ZNF782: variants seen among roughly 807,000 people sequenced by gnomAD.
ZNF782 encodes zinc finger protein 782.
A neutral mutation model predicts 13.0 loss-of-function variants in ZNF782; 12 were observed. The observed-to-expected ratio is 0.92, with a 90% confidence interval of 0.59 to 1.50. The LOEUF is 1.50. Among genes scored for constraint, ZNF782 ranks in the 40% most tolerant of loss-of-function variants. The pLI is 0.00. For synonymous variants in ZNF782, 284 were observed against 283.0 expected (o/e 1.00, Z -0.04); for missense variants, 770 against 822.9 (o/e 0.94, Z 0.79).
chr9:96,821,808 G>A (rs1441170610), intron 5 of ZNF782, among the ~76,000 whole-genome samples: 3 of 151,864 alleles, frequency 2.0e-5, no homozygotes, highest in African/African-American at 4.8e-5. Context: ...GGGACTACAG[G>A]TGCCCACCAC....
At chr9:96,840,293 G>T (rs1416449964) in intron 4 of ZNF782, among the ~76,000 whole-genome samples, 2 of 151,764 alleles carry the variant, frequency 1.3e-5, no homozygotes, top group Non-Finnish European at 2.9e-5. Context: ...TCTACTAGGG[G>T]TCTTTGTGCT....
intron 4 of ZNF782, among the ~76,000 whole-genome samples, chr9:96,837,976 T>G (rs1851053584): frequency 6.6e-6 from 1 of 152,214 alleles, no homozygotes; most frequent in Non-Finnish European, 1.5e-5. Flanking sequence ...TCCGTCCACC[T>G]TGGCCTTTCA....
intron 3 of ZNF782, among the ~76,000 whole-genome samples, chr9:96,845,421 C>T (rs1851316914): frequency 6.6e-6 from 1 of 152,136 alleles, no homozygotes; most frequent in Non-Finnish European, 1.5e-5. Context: ...TGCCACCACA[C>T]CTAGTTTTTT....
chr9:96,917,631 T>C, the ZNF782 span, among the ~76,000 whole-genome samples: 1 of 151,714 alleles, frequency 6.6e-6, no homozygotes, highest in South Asian at 2.1e-4. Context: ...GGAGTTTCAC[T>C]GTGTTGGCCA....
chr9:96,899,539 G>C, the ZNF782 span, among the ~76,000 whole-genome samples: 19 of 152,152 alleles, frequency 1.2e-4, no homozygotes, highest in African/African-American at 4.6e-4. Flanking sequence ...CCTGAAACCA[G>C]GTAATTTATA....
At chr9:96,875,033 G>A (rs1235772990) in intron 1 of ZNF782, among the ~76,000 whole-genome samples, 1 of 152,150 alleles carries the variant, frequency 6.6e-6, no homozygotes, top group African/African-American at 2.4e-5. Flanking sequence ...TGTATTTTGG[G>A]TCATGTCACT....
chr9:96,840,282 T>C (rs1459568438), intron 4 of ZNF782, among the ~76,000 whole-genome samples: 1 of 152,090 alleles, frequency 6.6e-6, no homozygotes, highest in Non-Finnish European at 1.5e-5. Context: ...CTATCTTTTC[T>C]TCTACTAGGG....
chr9:96,880,393 T>A (rs936716856), upstream of ZNF782, among the ~76,000 whole-genome samples: 1 of 152,220 alleles, frequency 6.6e-6, no homozygotes, highest in Non-Finnish European at 1.5e-5. Flanking sequence ...ACTTTAGCCA[T>A]CAAGTGTGAT....
At chr9:96,864,589 G>A (rs1851736288) in intron 1 of ZNF782, among the ~76,000 whole-genome samples, 2 of 152,112 alleles carry the variant, frequency 1.3e-5, no homozygotes, top group Non-Finnish European at 2.9e-5. Flanking sequence ...GACTTAGCCA[G>A]TGGATAAAAC....
Position 96,817,702 on chromosome 9 carries a change from T to C in ZNF782, c.*221A>G. On this transcript the variant is annotated 3_prime_UTR_variant, in exon 6 of 6. Transcript: ENST00000481138. Reference sequence around the variant, plus strand: ...TTATAGGGTTTCTTTGCTGTGTGAGTTCTGTATATCCATAGAAGACTGGGC... The same window carrying C: ...TTATAGGGTTTCTTTGCTGTGTGAGCTCTGTATATCCATAGAAGACTGGGC... 4.7e-6 allele frequency: 2 copies of C among 428,916 alleles called. No homozygotes were observed. Among genetic ancestry groups the C allele is most frequent in the East Asian group, 3.5e-5 (1 of 28,812 alleles). 26.6% of individuals were successfully genotyped at this position (428,916 alleles called of 1,614,324 possible).
intron 1 of ZNF782, among the ~76,000 whole-genome samples, chr9:96,867,986 TAAC>T (rs1298063159): frequency 1.3e-5 from 2 of 152,102 alleles, no homozygotes; most frequent in Admixed American, 6.5e-5. Flanking sequence ...TTAACTGACT[TAAC>T]AAAAAAACAC....
chr9:96,907,865 T>A, the ZNF782 span, among the ~76,000 whole-genome samples: 14 of 151,856 alleles, frequency 9.2e-5, no homozygotes, highest in East Asian at 2.7e-3. Flanking sequence ...GGTCTCGAAC[T>A]CTTGACCTCA....
chr9:96,859,092 A>G (rs1331670033), upstream of ZNF782, among the ~76,000 whole-genome samples: 1 of 151,862 alleles, frequency 6.6e-6, no homozygotes, highest in Non-Finnish European at 1.5e-5. Context: ...CACTAGTGCT[A>G]GCCAGAAGGG....
rs1381763935 is a variant in ZNF782, at chr9:96,816,628, AG to A, written c.*1294del. 6.6e-6 allele frequency: 1 copy of A among 152,244 alleles called. No homozygotes were observed. The highest frequency in any genetic ancestry group is 2.1e-4 in the South Asian group (1 of 4,834). The allele number at this position is 152,244 out of a possible 1,614,324, so 9.4% of individuals were successfully genotyped here. A position where few individuals can be genotyped will look rare whatever the true frequency, so the allele number is the denominator to read the frequency against. ...TATTACTTACCTTTCTCAAATTGAT[AG>A]ATTTTCTCCTTGTAACAAGCTCTGA... On this transcript the variant is annotated 3_prime_UTR_variant, in exon 6 of 6. Transcript: ENST00000481138.
At chr9:96,886,784 G>A in the ZNF782 span, among the ~76,000 whole-genome samples, 45 of 151,984 alleles carry the variant, frequency 3.0e-4, 1 homozygote, top group African/African-American at 1.0e-3. Flanking sequence ...TTAGCTGGGC[G>A]TAGTGACATG....
upstream of ZNF782, among the ~76,000 whole-genome samples, chr9:96,876,971 AAAGAAG>A (rs1450059958): frequency 3.9e-5 from 5 of 128,034 alleles, no homozygotes; most frequent in African/African-American, 1.7e-4. Flanking sequence ...AAAAAAAAAA[AAAGAAG>A]AAGAAGAAAA....
the ZNF782 span, chr9:96,893,895 G>C: frequency 1.4e-5 from 2 of 143,326 alleles, no homozygotes; most frequent in African/African-American, 6.0e-5. Context: ...AGCTACTCGG[G>C]AGGCTGAGGC....
chr9:96,834,810 G>A (rs1398538217), intron 4 of ZNF782, among the ~76,000 whole-genome samples: 2 of 152,180 alleles, frequency 1.3e-5, no homozygotes, highest in Non-Finnish European at 1.5e-5. Context: ...CTGAAAATGC[G>A]GAAGTAGCTT....
intron 1 of ZNF782, among the ~76,000 whole-genome samples, chr9:96,866,617 A>G (rs1435896649): frequency 6.6e-6 from 1 of 152,144 alleles, no homozygotes; most frequent in Non-Finnish European, 1.5e-5. Context: ...GAGCTATGAG[A>G]AGAGGGCCAC....
Sources: allele counts gnomAD v4.1 joint callset (sites outside exome capture counted in the v4.1 genomes callset), GRCh38; gene constraint gnomAD v4.1.1; transcripts MANE v1.5; gene names NCBI Gene and HGNC (gene_info 2026-07-23, HGNC 2026-07-21).